Variants in ALDH3B2 observed in about 807,000 individuals in gnomAD.
The protein encoded by ALDH3B2 is aldehyde dehydrogenase 3 family member B2, also known as aldehyde dehydrogenase family 3 member B2.
In ALDH3B2, 45 loss-of-function variants were observed where a neutral mutation model predicts 36.7. The observed-to-expected ratio is 1.23, with a 90% CI of 0.97 to 1.57. ALDH3B2 has a LOEUF of 1.57. Among genes scored for constraint, ALDH3B2 ranks in the 40% most tolerant of loss-of-function variants. ALDH3B2 has a pLI of 0.00. For missense variants in ALDH3B2, 464 were observed against 513.3 expected, an observed-to-expected ratio of 0.90 and a Z score of 0.93; for synonymous variants, 217 against 226.5, an observed-to-expected ratio of 0.96 and a Z score of 0.38.
intron 1 of ALDH3B2, among the ~76,000 whole-genome samples, chr11:67,680,265 G>C (rs1380847032): frequency 6.6e-6 from 1 of 152,208 alleles, no homozygotes; most frequent in Non-Finnish European, 1.5e-5. Flanking sequence ...AGTAAGCCGA[G>C]ATTGCACTAC....
At chr11:67,663,308 C>T in exon 10 of ALDH3B2, 1 of 1,614,174 alleles carries the variant, frequency 6.2e-7, no homozygotes, top group South Asian at 1.1e-5. Flanking sequence ...CCTTTAATTT[C>T]TCCAGGCCGG....
chr11:67,680,402 A>G (rs1856348687), intron 1 of ALDH3B2, among the ~76,000 whole-genome samples: 1 of 152,200 alleles, frequency 6.6e-6, no homozygotes, highest in Admixed American at 6.5e-5. Context: ...TCTGACACAC[A>G]AATACTCTTA....
chr11:67,675,176 T>C (rs2134160539), upstream of ALDH3B2, among the ~76,000 whole-genome samples: 1 of 152,304 alleles, frequency 6.6e-6, no homozygotes, highest in Non-Finnish European at 1.5e-5. Flanking sequence ...ACGGCACCTG[T>C]AGCTCTAGGA....
intron 1 of ALDH3B2, among the ~76,000 whole-genome samples, chr11:67,672,058 T>C (rs1329255412): frequency 1.5e-5 from 1 of 68,792 alleles, no homozygotes; most frequent in East Asian, 4.2e-4. Flanking sequence ...TATATATATA[T>C]ATATATATAT....
chr11:67,665,541 G>C lies in ALDH3B2; in HGVS notation c.450C>G (p.Arg150=), dbSNP rs142189245. 1.5e-5 allele frequency: 24 copies of C among 1,614,092 alleles called. No homozygotes were observed. The South Asian group carries it at 2.6e-4, about 18-fold the overall frequency. The stretch of plus-strand genomic sequence containing the variant: ...CATTGAAGTAGCAGAACCAGGCCAC[G>C]CGGTTGGCCACGGTCTGGGGGTCGC... Residue 150 remains arginine, a synonymous_variant, in exon 7 of 10, where the codon CGC becomes CGG. Transcript: ENST00000349015.
intron 7 of ALDH3B2, among the ~76,000 whole-genome samples, chr11:67,664,912 C>T (rs1591141450): frequency 6.6e-6 from 1 of 152,178 alleles, no homozygotes; most frequent in Non-Finnish European, 1.5e-5. Flanking sequence ...AGTCATACGG[C>T]CCAGGAGACT....
chr11:67,674,955 G>A (rs754373349), upstream of ALDH3B2, among the ~76,000 whole-genome samples: 3 of 152,132 alleles, frequency 2.0e-5, no homozygotes, highest in Non-Finnish European at 4.4e-5. Context: ...AGTCCTCCCA[G>A]GCCCCAGCCA....
Position 67,672,132 on chromosome 11 carries a change from G to GTATA in ALDH3B2, c.-245+2304_-245+2305insTATA, listed in dbSNP as rs1316141722. ...TGTGTGTGTGTGTGTGTGTGTGTGT[G>GTATA]TGTATATATATATGTATTTTTTTTT... On this transcript the variant is annotated intron_variant, in intron 1 of 9. Coordinates refer to ENST00000349015, the Ensembl canonical transcript of ALDH3B2. Among the ~76,000 whole-genome samples, 17 of 96,476 alleles carry GTATA rather than the reference G, an allele frequency of 1.8e-4. 2 individuals are homozygous for GTATA. Among genetic ancestry groups the GTATA allele is most frequent in the African/African-American group, 4.4e-4 (9 of 20,630 alleles). 63.3% of individuals were successfully genotyped at this position (96,476 alleles called of 152,430 possible). A position where few individuals can be genotyped will look rare whatever the true frequency, so the allele number is the denominator to read the frequency against.
intron 5 of ALDH3B2, 22 bp downstream of exon 5, chr11:67,666,294 G>T: frequency 6.2e-7 from 1 of 1,610,072 alleles, no homozygotes; most frequent in Admixed American, 1.7e-5. Context: ...GTCGGGCACT[G>T]CTGGGGCAGG....
upstream of ALDH3B2, among the ~76,000 whole-genome samples, chr11:67,675,259 C>T (rs868350135): frequency 1.3e-5 from 2 of 152,168 alleles, no homozygotes; most frequent in Admixed American, 6.5e-5. Context: ...CTGAGCCTTT[C>T]GGAAGTAACA....
chr11:67,662,972 T>A, exon 10 of ALDH3B2: 2 of 508,576 alleles, frequency 3.9e-6, no homozygotes, highest in Non-Finnish European at 6.9e-6. Flanking sequence ...TTGGGGAGGG[T>A]GGGGTGAGTG....
chr11:67,664,432 C>T, exon 8 of ALDH3B2: 2 of 1,614,166 alleles, frequency 1.2e-6, no homozygotes, highest in Non-Finnish European at 1.7e-6. Flanking sequence ...GGGCCAGGGG[C>T]TTCTCCTGCC....
chr11:67,680,490 C>G (rs1003950318), intron 1 of ALDH3B2, among the ~76,000 whole-genome samples: 5 of 152,136 alleles, frequency 3.3e-5, no homozygotes, highest in African/African-American at 1.2e-4. Context: ...GATCTTGGCT[C>G]ACTGCCACCT....
chr11:67,670,054 A>G (rs144867859), intron 1 of ALDH3B2, among the ~76,000 whole-genome samples: 384 of 6,216 alleles, frequency 0.062, 96 homozygotes, highest in Non-Finnish European at 0.071. Context: ...GGGTGTCTCT[A>G]TGTGTATGGG....
exon 7 of ALDH3B2, chr11:67,665,285 C>A (rs142113776): frequency 6.2e-7 from 1 of 1,602,198 alleles, no homozygotes. Context: ...CAGGACTCAC[C>A]GATGTAGCGA....
chr11:67,675,258 T>C (rs1458725911), upstream of ALDH3B2, among the ~76,000 whole-genome samples: 1 of 152,192 alleles, frequency 6.6e-6, no homozygotes, highest in Non-Finnish European at 1.5e-5. Context: ...TCTGAGCCTT[T>C]CGGAAGTAAC....
At chr11:67,677,952 A>G (rs1168964685), upstream of ALDH3B2, among the ~76,000 whole-genome samples, 1 of 152,166 alleles carries the variant, frequency 6.6e-6, no homozygotes, top group Non-Finnish European at 1.5e-5. Context: ...AAACACTGCT[A>G]AAAGAAATCA....
rs182404662 is a variant in ALDH3B2, at chr11:67,668,483, C to G, written c.-244-848G>C. ...AGGCACCTAGCAACGGGATTCTGAG[C>G]ATCCCAGCCCAGGGGCTCAAGAATG... On this transcript the variant is annotated intron_variant, in intron 1 of 9. Transcript: ENST00000349015. Among the ~76,000 whole-genome samples the G allele has an allele frequency of 3.9e-4, 60 of 152,296 alleles. 1 individual carries two copies. The East Asian group carries it at 0.011, about 28-fold the overall frequency.
chr11:67,679,461 A>G (rs1166750415), upstream of ALDH3B2, among the ~76,000 whole-genome samples: 4 of 150,582 alleles, frequency 2.7e-5, no homozygotes, highest in Non-Finnish European at 5.9e-5. Flanking sequence ...AAAGAGCGAG[A>G]CTCCATCTCA....
Sources: gnomAD v4.1 joint callset for allele counts (sites outside exome capture counted in the v4.1 genomes callset) on GRCh38, gnomAD v4.1.1 for gene constraint, MANE v1.5 for transcripts, NCBI Gene and HGNC (gene_info 2026-07-23, HGNC 2026-07-21) for gene names.